The following BST1 variants were observed in gnomAD, a reference collection of about 807,000 sequenced individuals.
BST1 encodes the protein ADP-ribosyl cyclase/cyclic ADP-ribose hydrolase 2.
A neutral mutation model predicts 40.6 loss-of-function variants in BST1; 49 were observed. The ratio of observed to expected loss-of-function variants is 1.21; its 90% CI spans 0.96 to 1.53. The LOEUF (loss-of-function observed/expected upper bound fraction) is 1.53. Ranked by LOEUF, BST1 falls within the 40% of genes most tolerant of loss-of-function variation. The probability of loss-of-function intolerance (pLI) is 0.00; values close to 1 mark genes in which losing one functional copy is unlikely to be tolerated. For synonymous variants in BST1, 157 were observed against 159.3 expected (o/e 0.99, Z 0.11); for missense variants, 423 against 395.9 (o/e 1.07, Z -0.58).
At chr4:15,739,857 A>C (rs1721696700), downstream of BST1, among the ~76,000 whole-genome samples, 1 of 150,542 alleles carries the variant, frequency 6.6e-6, no homozygotes, top group East Asian at 2.0e-4. Context: ...TGGTGGTAGG[A>C]GGGGGAAGGA....
At chr4:15,763,885 TAAAC>T in the BST1 span, among the ~76,000 whole-genome samples, 1 of 152,056 alleles carries the variant, frequency 6.6e-6, no homozygotes, top group Admixed American at 6.5e-5. Context: ...GCAGTGATAA[TAAAC>T]AAACAAACAA....
At chr4:15,765,961 T>C in the BST1 span, among the ~76,000 whole-genome samples, 65 of 152,092 alleles carry the variant, frequency 4.3e-4, 1 homozygote, top group African/African-American at 1.5e-3. Context: ...AACCCAGTAC[T>C]AAAATAGTTC....
downstream of BST1, chr4:15,737,756 T>A (rs540342943): frequency 5.2e-5 from 66 of 1,281,542 alleles, no homozygotes; most frequent in African/African-American, 4.8e-4. Flanking sequence ...ACGATAGACT[T>A]GGTAACAAGG....
chr4:15,753,732 C>G, the BST1 span, among the ~76,000 whole-genome samples: 3 of 152,196 alleles, frequency 2.0e-5, no homozygotes, highest in Non-Finnish European at 2.9e-5. Context: ...CAGGGCCCAT[C>G]CAGACACACA....
chr4:15,716,836 C>G (rs765455117), intron 6 of BST1, among the ~76,000 whole-genome samples: 9 of 152,056 alleles, frequency 5.9e-5, no homozygotes, highest in African/African-American at 2.2e-4. Context: ...AGTGCAGTGG[C>G]GAGATGTCAG....
At chr4:15,767,839 T>A in the BST1 span, among the ~76,000 whole-genome samples, 2 of 152,100 alleles carry the variant, frequency 1.3e-5, no homozygotes, top group Non-Finnish European at 2.9e-5. Context: ...CAGGCTGGTC[T>A]CGAACTCCTG....
downstream of BST1, among the ~76,000 whole-genome samples, chr4:15,739,198 T>A (rs1371018057): frequency 1.3e-5 from 2 of 152,236 alleles, no homozygotes; most frequent in Non-Finnish European, 2.9e-5. Flanking sequence ...CCCACATGCA[T>A]AACCAATGAA....
At position 15,728,643 on chromosome 4, in the gene BST1, C is replaced by CTT. The variant is rs869200119; in HGVS notation, c.852-3079_852-3078dup. Among the ~76,000 whole-genome samples the CTT allele has an allele frequency of 2.0e-3, 240 of 119,790 alleles. 3 individuals carry two copies. The highest frequency in any genetic ancestry group is 5.4e-3 in the African/African-American group (169 of 31,088). 78.6% of individuals were successfully genotyped at this position (119,790 alleles called of 152,430 possible). On this transcript the variant is annotated intron_variant, in intron 8 of 8. Coordinates refer to ENST00000265016, the MANE Select transcript of BST1 (RefSeq NM_004334.3). ...AATTTTCTTTTCCCTTCCTTCCTTC[C>CTT]TTTTTTTTTTTTTTTTTTTGATGGA... is the stretch of plus-strand genomic sequence containing the variant.
chr4:15,770,614 C>T, the BST1 span, among the ~76,000 whole-genome samples: 9 of 152,180 alleles, frequency 5.9e-5, no homozygotes, highest in South Asian at 2.1e-4. Context: ...GCAGGAGAAT[C>T]GCTTGAGCCC....
At chr4:15,703,355 A>C in intron 1 of BST1, 23 bp downstream of exon 1, 1 of 1,292,616 alleles carries the variant, frequency 7.7e-7, no homozygotes, top group Non-Finnish European at 9.9e-7. Flanking sequence ...GCCGGGTGGA[A>C]GGGGAGCCGG....
At chr4:15,770,712 CAAAT>C in the BST1 span, among the ~76,000 whole-genome samples, 1 of 151,772 alleles carries the variant, frequency 6.6e-6, no homozygotes, top group African/African-American at 2.4e-5. Flanking sequence ...AACAAACAAA[CAAAT>C]AAACAAACAC....
intron 8 of BST1, chr4:15,723,658 A>G: frequency 1.0e-6 from 1 of 968,214 alleles, no homozygotes; most frequent in Non-Finnish European, 1.2e-6. Flanking sequence ...CCTTGATTAT[A>G]TACTTTAAGC....
downstream of BST1, among the ~76,000 whole-genome samples, chr4:15,737,128 C>T (rs902014757): frequency 8.5e-5 from 13 of 152,134 alleles, no homozygotes; most frequent in East Asian, 5.8e-4. Context: ...ATTCAATGAG[C>T]GAATGTGCAT....
chr4:15,728,661 T>C (rs1279686846), intron 8 of BST1, among the ~76,000 whole-genome samples: 3 of 149,254 alleles, frequency 2.0e-5, no homozygotes, highest in African/African-American at 7.4e-5. Flanking sequence ...TTTTTTTTTT[T>C]TGATGGAGTC....
At chr4:15,755,542 G>A in the BST1 span, among the ~76,000 whole-genome samples, 1 of 152,218 alleles carries the variant, frequency 6.6e-6, no homozygotes, top group Admixed American at 6.5e-5. Flanking sequence ...TGGGGTCAGT[G>A]AGTCAAAGAG....
chr4:15,773,365 T>A, the BST1 span, among the ~76,000 whole-genome samples: 1 of 152,194 alleles, frequency 6.6e-6, no homozygotes, highest in Non-Finnish European at 1.5e-5. Context: ...GATTAAAAGT[T>A]TAGTTTTGGA....
At chr4:15,748,829 A>G in the BST1 span, among the ~76,000 whole-genome samples, 1 of 152,172 alleles carries the variant, frequency 6.6e-6, no homozygotes, top group Admixed American at 6.5e-5. Context: ...TATGATTACC[A>G]TTTTATGACA....
At chr4:15,714,830 G>GATTT (rs1156887194) in intron 4 of BST1, among the ~76,000 whole-genome samples, 2 of 152,190 alleles carry the variant, frequency 1.3e-5, no homozygotes, top group Non-Finnish European at 2.9e-5. Context: ...AGTGGTCTAT[G>GATTT]ATTTGTCACT....
At chr4:15,753,998 C>T in the BST1 span, among the ~76,000 whole-genome samples, 2 of 152,172 alleles carry the variant, frequency 1.3e-5, no homozygotes, top group African/African-American at 4.8e-5. Flanking sequence ...CAGTCACCTT[C>T]CTTCCTTTGG....
Sources: allele counts gnomAD v4.1 joint callset (sites outside exome capture counted in the v4.1 genomes callset), GRCh38; gene constraint gnomAD v4.1.1; transcripts MANE v1.5; gene names NCBI Gene and HGNC (gene_info 2026-07-23, HGNC 2026-07-21).